Variants in PRKG1 observed in about 807,000 individuals in gnomAD.
The protein encoded by PRKG1 is protein kinase cGMP-dependent 1.
A neutral mutation model predicts 88.1 loss-of-function variants in PRKG1; 35 were observed. The ratio of observed to expected loss-of-function variants is 0.40; its 90% CI spans 0.30 to 0.53. PRKG1 has a LOEUF of 0.53. Ranked by LOEUF, PRKG1 falls within the 20% of genes least tolerant of loss-of-function variation. PRKG1 has a pLI of 0.59. For synonymous variants in PRKG1, 303 were observed against 292.5 expected (o/e 1.04, Z -0.37); for missense variants, 540 against 839.8 (o/e 0.64, Z 4.41).
At chr10:51,073,374 T>C (rs2132800558), upstream of PRKG1, among the ~76,000 whole-genome samples, 1 of 152,222 alleles carries the variant, frequency 6.6e-6, no homozygotes, top group Non-Finnish European at 1.5e-5. Context: ...GCCATTCAAG[T>C]GGAAAGATAC....
intron 1 of PRKG1, among the ~76,000 whole-genome samples, chr10:51,114,745 A>T (rs1209687256): frequency 6.6e-6 from 1 of 152,042 alleles, no homozygotes; most frequent in Non-Finnish European, 1.5e-5. Flanking sequence ...TTTCAGCTGG[A>T]CAGTTACTGA....
chr10:51,518,670 C>T (rs866295406), intron 3 of PRKG1, among the ~76,000 whole-genome samples: 8 of 152,082 alleles, frequency 5.3e-5, no homozygotes, highest in African/African-American at 1.9e-4. Flanking sequence ...GCTTAAAATG[C>T]AGAAGAGGAA....
intron 2 of PRKG1, among the ~76,000 whole-genome samples, chr10:51,406,292 C>T (rs1837910906): frequency 6.6e-6 from 1 of 152,220 alleles, no homozygotes; most frequent in Admixed American, 6.5e-5. Context: ...GAAGTAAAGC[C>T]TGGCTCAGGT....
intron 2 of PRKG1, among the ~76,000 whole-genome samples, chr10:51,423,483 A>AT (rs113903059): frequency 4.6e-5 from 7 of 151,566 alleles, no homozygotes; most frequent in Non-Finnish European, 7.4e-5. Flanking sequence ...CATTCTGATG[A>AT]TTTTTTTTCT....
At chr10:52,130,706 T>G (rs957980399) in intron 7 of PRKG1, among the ~76,000 whole-genome samples, 1 of 152,238 alleles carries the variant, frequency 6.6e-6, no homozygotes, top group Non-Finnish European at 1.5e-5. Context: ...ACATAATTTA[T>G]GAAGAACCCA....
At position 52,238,889 on chromosome 10, in the gene PRKG1, C is replaced by G. The variant is rs1212872986; in HGVS notation, c.1077-12681C>G. 1.9e-3 allele frequency among the ~76,000 whole-genome samples: 270 copies of G among 145,156 alleles called. 2 individuals carry two copies. Among genetic ancestry groups the G allele is most frequent in the African/African-American group, 6.6e-3 (255 of 38,782 alleles). On this transcript the variant is annotated intron_variant, in intron 9 of 17. Coordinates refer to ENST00000373980, the MANE Select transcript of PRKG1 (RefSeq NM_006258.4). ...ATGCACACATATGTTTATTGCGGCA[C>G]TATTCACAATAGCAAAGACTTGGAA...
chr10:51,988,477 C>T (rs1474521842), intron 5 of PRKG1, among the ~76,000 whole-genome samples: 1 of 151,960 alleles, frequency 6.6e-6, no homozygotes, highest in Non-Finnish European at 1.5e-5. Context: ...GAGTCCTCAC[C>T]AACAGCAGTA....
intron 3 of PRKG1, among the ~76,000 whole-genome samples, chr10:51,655,282 A>AG (rs1422148290): frequency 6.6e-6 from 1 of 152,190 alleles, no homozygotes; most frequent in Non-Finnish European, 1.5e-5. Context: ...AATATTAAAA[A>AG]TATACTGGTT....
At chr10:51,494,522 A>G (rs150670820) in intron 3 of PRKG1, among the ~76,000 whole-genome samples, 2 of 152,348 alleles carry the variant, frequency 1.3e-5, no homozygotes, top group African/African-American at 2.4e-5. Context: ...TCTTACTGCT[A>G]TGGTGAGAAT....
intron 2 of PRKG1, among the ~76,000 whole-genome samples, chr10:51,264,999 G>A (rs1302990168): frequency 6.6e-6 from 1 of 152,020 alleles, no homozygotes; most frequent in Non-Finnish European, 1.5e-5. Flanking sequence ...TATAAAAACA[G>A]ATAATATGGC....
intron 9 of PRKG1, among the ~76,000 whole-genome samples, chr10:52,188,476 C>T (rs1216705367): frequency 6.6e-6 from 1 of 151,052 alleles, no homozygotes; most frequent in East Asian, 1.9e-4. Context: ...ACTCAGGCTT[C>T]CAAGTAGCTG....
At chr10:52,160,674 G>T (rs1188965621) in intron 8 of PRKG1, among the ~76,000 whole-genome samples, 2 of 151,938 alleles carry the variant, frequency 1.3e-5, no homozygotes, top group Non-Finnish European at 2.9e-5. Flanking sequence ...AAGGAACATT[G>T]CATTTTAAAT....
chr10:51,915,849 A>G (rs555394798), intron 5 of PRKG1, among the ~76,000 whole-genome samples: 38 of 152,276 alleles, frequency 2.5e-4, no homozygotes, highest in African/African-American at 8.4e-4. Flanking sequence ...GACACAAAAA[A>G]TTTCTTAACA....
At chr10:51,844,826 AT>A (rs1840360735) in intron 4 of PRKG1, among the ~76,000 whole-genome samples, 1 of 152,158 alleles carries the variant, frequency 6.6e-6, no homozygotes, top group African/African-American at 2.4e-5. Context: ...AAGAACAGGA[AT>A]TCACACAGTC....
intron 12 of PRKG1, among the ~76,000 whole-genome samples, chr10:52,277,346 C>T (rs1198664889): frequency 6.6e-6 from 1 of 152,110 alleles, no homozygotes; most frequent in Non-Finnish European, 1.5e-5. Flanking sequence ...TCCAAACCCC[C>T]AACCTCCACC....
At chr10:51,172,648 GTATCTATCTATCTATCTATCTATC>G (rs151084687) in intron 2 of PRKG1, among the ~76,000 whole-genome samples, 6,027 of 40,744 alleles carry the variant, frequency 0.15, 168 homozygotes, top group Middle Eastern at 0.17. Flanking sequence ...ATGTATGTAT[GTATCTATCTATCTATCTATCTATC>G]TATCTATCTA....
intron 1 of PRKG1, among the ~76,000 whole-genome samples, chr10:51,112,276 C>T (rs1844997093): frequency 6.6e-6 from 1 of 151,966 alleles, no homozygotes; most frequent in Admixed American, 6.6e-5. Context: ...TACTGTAAAC[C>T]AAACTTTACC....
At chr10:51,313,412 A>G (rs1334805493) in intron 2 of PRKG1, among the ~76,000 whole-genome samples, 1 of 151,884 alleles carries the variant, frequency 6.6e-6, no homozygotes. Context: ...GTTTTTATGG[A>G]TGAATTTTAC....
intron 8 of PRKG1, among the ~76,000 whole-genome samples, chr10:52,148,957 CTTTTTTTTTTTTTTT>C (rs71904885): frequency 1.8e-5 from 1 of 55,166 alleles, no homozygotes; most frequent in South Asian, 8.2e-4. Flanking sequence ...GATAGTTTTG[CTTTTTTTTTTTTTTT>C]TTTTTTTTTT....
Sources: gnomAD v4.1 joint callset for allele counts (sites outside exome capture counted in the v4.1 genomes callset) on GRCh38, gnomAD v4.1.1 for gene constraint, MANE v1.5 for transcripts, NCBI Gene and HGNC (gene_info 2026-07-23, HGNC 2026-07-21) for gene names.